The following PDZRN3 variants were observed in gnomAD, a reference collection of about 807,000 sequenced individuals.
The protein encoded by PDZRN3 is PDZ domain containing ring finger 3, also known as E3 ubiquitin-protein ligase PDZRN3.
Under a neutral mutation model 85.7 loss-of-function variants are expected in PDZRN3, and 38 were observed. The observed-to-expected ratio is 0.44, with a 90% CI of 0.34 to 0.58. The LOEUF is 0.58. Among genes scored for constraint, PDZRN3 ranks in the 20% least tolerant of loss-of-function variants. PDZRN3 has a pLI of 0.01. For missense variants in PDZRN3, 1,629 were observed against 1,506.4 expected (o/e 1.08, Z -1.35); for synonymous variants, 759 against 638.0 (o/e 1.19, Z -2.86).
At chr3:73,464,485 C>G (rs1189041332) in intron 3 of PDZRN3, among the ~76,000 whole-genome samples, 2 of 152,182 alleles carry the variant, frequency 1.3e-5, no homozygotes, top group African/African-American at 4.8e-5. Context: ...TGAACTCTCA[C>G]ATAAGCTCTA....
At chr3:73,394,189 A>C (rs938418977) in intron 5 of PDZRN3, among the ~76,000 whole-genome samples, 1 of 152,174 alleles carries the variant, frequency 6.6e-6, no homozygotes, top group African/African-American at 2.4e-5. Context: ...CACACTTTTT[A>C]TACGTTGCCA....
Position 73,555,754 on chromosome 3 carries a change from A to G in PDZRN3, c.918+46600T>C, listed in dbSNP as rs1208332792. Reference sequence around the variant, plus strand: ...ATTTGAACTTTGGAGAGGTGAAAGGAAAGTCAATGGTAACCTTGGTTTTCT... The same window carrying G: ...ATTTGAACTTTGGAGAGGTGAAAGGGAAGTCAATGGTAACCTTGGTTTTCT... On this transcript the variant is annotated intron_variant, in intron 3 of 9. Transcript: ENST00000263666. Among the ~76,000 whole-genome samples the G allele has an allele frequency of 2.0e-5, 3 of 152,354 alleles. No individual in the cohort carries two copies. In the East Asian group the frequency reaches 5.8e-4, roughly 29 times the overall value.
intron 3 of PDZRN3, among the ~76,000 whole-genome samples, chr3:73,536,665 T>C (rs186368819): frequency 2.6e-5 from 4 of 152,232 alleles, no homozygotes; most frequent in African/African-American, 9.6e-5. Flanking sequence ...AGGAAGGCCA[T>C]GTGTCTAGAA....
At chr3:73,596,028 G>C (rs1702425763) in intron 3 of PDZRN3, among the ~76,000 whole-genome samples, 1 of 152,100 alleles carries the variant, frequency 6.6e-6, no homozygotes, top group Admixed American at 6.6e-5. Flanking sequence ...TGAAAAAAAT[G>C]CACATGTCAG....
intron 3 of PDZRN3, among the ~76,000 whole-genome samples, chr3:73,409,526 A>G (rs1272625793): frequency 6.6e-6 from 1 of 152,212 alleles, no homozygotes; most frequent in Admixed American, 6.5e-5. Flanking sequence ...AATGTCACTG[A>G]AAGAAGTTCT....
At chr3:73,492,928 T>C (rs1409399685) in intron 3 of PDZRN3, among the ~76,000 whole-genome samples, 2 of 147,466 alleles carry the variant, frequency 1.4e-5, no homozygotes, top group Non-Finnish European at 3.0e-5. Context: ...TTTTAAAAAT[T>C]AAAACAAAAA....
intron 3 of PDZRN3, among the ~76,000 whole-genome samples, chr3:73,554,861 A>G (rs1168850660): frequency 6.6e-6 from 1 of 152,234 alleles, no homozygotes; most frequent in Non-Finnish European, 1.5e-5. Flanking sequence ...CAAATGGGTG[A>G]ACCAGAACAA....
chr3:73,393,839 G>A (rs1302409960), intron 5 of PDZRN3, among the ~76,000 whole-genome samples: 1 of 152,164 alleles, frequency 6.6e-6, no homozygotes, highest in Non-Finnish European at 1.5e-5. Flanking sequence ...AAACATGTAG[G>A]TGGCCTGATA....
intron 3 of PDZRN3, among the ~76,000 whole-genome samples, chr3:73,419,371 A>G (rs376298684): frequency 1.3e-4 from 20 of 152,238 alleles, no homozygotes; most frequent in Non-Finnish European, 2.2e-4. Context: ...GCATCAGTGT[A>G]GTTATCAAGT....
intron 3 of PDZRN3, among the ~76,000 whole-genome samples, chr3:73,509,766 T>G (rs1704131139): frequency 6.6e-6 from 1 of 152,246 alleles, no homozygotes; most frequent in African/African-American, 2.4e-5. Flanking sequence ...AATCAATTCT[T>G]GCCCAAAGAC....
Position 73,383,764 on chromosome 3 carries a change from G to T in PDZRN3, c.2802C>A (p.Thr934=). ...GCAGGCGGTCCCGCACGGGCCTCTTGGTGATGTAGCGCGTCCCGTCGCTGC... is the reference window on the plus strand; with the variant it reads ...GCAGGCGGTCCCGCACGGGCCTCTTTGTGATGTAGCGCGTCCCGTCGCTGC... The part of the protein sequence containing the change: ...KIRSDGTRYI[T]KRPVRDRLLR... The change falls in exon 10 of 10, where the codon ACC becomes ACA. Residue 934 remains threonine (T), a synonymous_variant. Coordinates refer to ENST00000263666, the MANE Select transcript of PDZRN3 (RefSeq NM_015009.3). 6.2e-7 allele frequency: 1 copy of T among 1,612,990 alleles called. No individual in the cohort carries two copies. The highest frequency in any genetic ancestry group is 8.5e-7 in the Non-Finnish European group (1 of 1,179,982).
chr3:73,472,969 AGATTT>A (rs1703375438), intron 3 of PDZRN3, among the ~76,000 whole-genome samples: 1 of 152,220 alleles, frequency 6.6e-6, no homozygotes, highest in African/African-American at 2.4e-5. Context: ...CTGTTTATAT[AGATTT>A]AATTAACGTG....
chr3:73,608,563 G>A (rs1702637290), intron 2 of PDZRN3, 35 bp downstream of exon 2: 1 of 1,443,348 alleles, frequency 6.9e-7, no homozygotes, highest in African/African-American at 1.4e-5. Flanking sequence ...AGCTACACCA[G>A]GAAAAGGAAA....
chr3:73,531,652 G>A (rs2106756205), intron 3 of PDZRN3, among the ~76,000 whole-genome samples: 1 of 152,334 alleles, frequency 6.6e-6, no homozygotes, highest in South Asian at 2.1e-4. Flanking sequence ...TGGTGTATAA[G>A]GGACTGCCTT....
At chr3:73,617,710 T>C (rs78475913) in intron 1 of PDZRN3, among the ~76,000 whole-genome samples, 4 of 142,354 alleles carry the variant, frequency 2.8e-5, no homozygotes, top group Non-Finnish European at 4.5e-5. Context: ...TCTAAATCTA[T>C]TTTTTTTTTT....
intron 1 of PDZRN3, among the ~76,000 whole-genome samples, chr3:73,620,917 A>G (rs1702848464): frequency 6.6e-6 from 1 of 152,204 alleles, no homozygotes; most frequent in South Asian, 2.1e-4. Flanking sequence ...GTCTTAAGAA[A>G]TTTAGGAAGG....
chr3:73,391,231 A>G (rs2106693228), intron 5 of PDZRN3, 115 bp from the exon 6 acceptor site: 1 of 733,012 alleles, frequency 1.4e-6, no homozygotes, highest in Non-Finnish European at 2.4e-6. Flanking sequence ...TTTGCATTCA[A>G]CTGTGTAGGG....
At chr3:73,565,399 A>G (rs1701924674) in intron 3 of PDZRN3, among the ~76,000 whole-genome samples, 1 of 152,006 alleles carries the variant, frequency 6.6e-6, no homozygotes, top group Non-Finnish European at 1.5e-5. Flanking sequence ...AAATGCTGGG[A>G]TTACAGGTGT....
At chr3:73,554,256 T>C (rs1373136015) in intron 3 of PDZRN3, among the ~76,000 whole-genome samples, 1 of 152,088 alleles carries the variant, frequency 6.6e-6, no homozygotes, top group Non-Finnish European at 1.5e-5. Flanking sequence ...GGTGTGACAT[T>C]GGCCAAGTCA....
Sources: gnomAD v4.1 joint callset for allele counts (sites outside exome capture counted in the v4.1 genomes callset) on GRCh38, gnomAD v4.1.1 for gene constraint, MANE v1.5 for transcripts, NCBI Gene and HGNC (gene_info 2026-07-23, HGNC 2026-07-21) for gene names.